Variants in HNF4G observed in about 807,000 individuals in gnomAD.
HNF4G encodes the protein hepatocyte nuclear factor 4-gamma.
HNF4G carries 21 observed loss-of-function variants against 50.9 expected under a neutral mutation model. The ratio of observed to expected loss-of-function variants is 0.41; its 90% CI spans 0.29 to 0.59. The LOEUF is 0.59. Among genes scored for constraint, HNF4G ranks in the 20% least tolerant of loss-of-function variants. HNF4G has a pLI of 0.26. For missense variants in HNF4G, 527 were observed against 559.4 expected (o/e 0.94, Z 0.58); for synonymous variants, 198 against 185.6 (o/e 1.07, Z -0.54).
intron 2 of HNF4G, among the ~76,000 whole-genome samples, chr8:75,510,773 C>T (rs1178693340): frequency 2.0e-5 from 3 of 152,052 alleles, no homozygotes; most frequent in Non-Finnish European, 2.9e-5. Flanking sequence ...CAATGCATTT[C>T]TCAGAATATA....
At chr8:75,560,008 G>T (rs1807260403) in intron 8 of HNF4G, among the ~76,000 whole-genome samples, 1 of 152,080 alleles carries the variant, frequency 6.6e-6, no homozygotes, top group Non-Finnish European at 1.5e-5. Context: ...AGTTGTTCAT[G>T]CTATTACAGT....
chr8:75,558,448 A>G lies in HNF4G; in HGVS notation c.734-70A>G, dbSNP rs908231233. The G allele has an allele frequency of 1.2e-5, 17 of 1,427,450 alleles. No individual in the cohort carries two copies. In the East Asian group the frequency reaches 3.9e-4, roughly 33 times the overall value. The allele number at this position is 1,427,450 out of a possible 1,614,324, so 88.4% of individuals were successfully genotyped here. A position where few individuals can be genotyped will look rare whatever the true frequency, so the allele number is the denominator to read the frequency against. On this transcript the variant is annotated intron_variant, in intron 6 of 9. Coordinates refer to ENST00000396423, the MANE Select transcript of HNF4G (RefSeq NM_004133.5). Reference sequence around the variant, plus strand: ...TTTAAACACCGGTTTGTTAAATTTTAAACAGTGCTGACAATTTGGGGAGAC... The same window carrying G: ...TTTAAACACCGGTTTGTTAAATTTTGAACAGTGCTGACAATTTGGGGAGAC...
chr8:75,541,377 T>A (rs1806616823), intron 1 of HNF4G, among the ~76,000 whole-genome samples: 1 of 152,172 alleles, frequency 6.6e-6, no homozygotes, highest in South Asian at 2.1e-4. Flanking sequence ...TTCTATATAG[T>A]CTCTCAGAAT....
intron 1 of HNF4G, among the ~76,000 whole-genome samples, chr8:75,415,028 A>G (rs887830773): frequency 6.6e-6 from 1 of 152,218 alleles, no homozygotes; most frequent in African/African-American, 2.4e-5. Context: ...AGCCTAACCA[A>G]CACTTGGTAT....
intron 2 of HNF4G, among the ~76,000 whole-genome samples, chr8:75,530,430 T>TAAA (rs5892497): frequency 0.094 from 13,745 of 146,450 alleles, 886 homozygotes; most frequent in African/African-American, 0.18. Context: ...CCACCAGTAA[T>TAAA]AAAAAAAAAA....
At chr8:75,413,755 G>T (rs994474035) in intron 1 of HNF4G, among the ~76,000 whole-genome samples, 2 of 152,044 alleles carry the variant, frequency 1.3e-5, no homozygotes, top group African/African-American at 4.8e-5. Flanking sequence ...TACTTGGGAG[G>T]CTGAGGCAGG....
At chr8:75,498,260 A>C (rs954381099) in intron 2 of HNF4G, among the ~76,000 whole-genome samples, 4 of 152,196 alleles carry the variant, frequency 2.6e-5, no homozygotes, top group African/African-American at 9.6e-5. Flanking sequence ...AAAAGCAATG[A>C]AAGTCCACTA....
At chr8:75,451,345 A>T (rs1249067116) in intron 1 of HNF4G, among the ~76,000 whole-genome samples, 2 of 151,852 alleles carry the variant, frequency 1.3e-5, no homozygotes, top group African/African-American at 4.8e-5. Flanking sequence ...GTCTGATATA[A>T]TTCCATTTGT....
chr8:75,546,016 T>C (rs1049734910), intron 2 of HNF4G, among the ~76,000 whole-genome samples: 5 of 152,156 alleles, frequency 3.3e-5, no homozygotes, highest in Non-Finnish European at 5.9e-5. Flanking sequence ...TTGTTGATGA[T>C]AGGCTTTGCT....
rs139374836 is a variant in HNF4G at position 75,540,729 on chromosome 8, T to C, written c.118+649T>C. 4.2e-4 allele frequency among the ~76,000 whole-genome samples: 64 copies of C among 152,242 alleles called. No homozygotes were observed. The East Asian group carries it at 6.2e-3, about 15-fold the overall frequency. ...TTTTAGGGGTAGTGTCTTTATGTAA[T>C]ACAGCTTACTATTGACTTTGAATTT... On this transcript the variant is annotated intron_variant, in intron 1 of 9. Coordinates refer to ENST00000396423, the MANE Select transcript of HNF4G (RefSeq NM_004133.5).
intron 9 of HNF4G, among the ~76,000 whole-genome samples, chr8:75,562,962 G>A (rs1807355786): frequency 6.6e-6 from 1 of 152,060 alleles, no homozygotes; most frequent in African/African-American, 2.4e-5. Flanking sequence ...CATTTAAACT[G>A]CACTTAAAAA....
At chr8:75,480,011 G>C (rs1450518996) in intron 1 of HNF4G, among the ~76,000 whole-genome samples, 1 of 151,632 alleles carries the variant, frequency 6.6e-6, no homozygotes, top group Non-Finnish European at 1.5e-5. Flanking sequence ...ATAGAAAAAA[G>C]TGTTATTTTT....
intron 2 of HNF4G, among the ~76,000 whole-genome samples, chr8:75,495,087 G>C (rs534077816): frequency 2.1e-4 from 32 of 152,256 alleles, no homozygotes; most frequent in Non-Finnish European, 4.1e-4. Flanking sequence ...AAATGGCAGA[G>C]ATTTTGGAAC....
chr8:75,434,380 C>T (rs1164976396), intron 1 of HNF4G, among the ~76,000 whole-genome samples: 3 of 151,922 alleles, frequency 2.0e-5, no homozygotes, highest in African/African-American at 7.3e-5. Flanking sequence ...GAAAATGCCA[C>T]ATATCAAACC....
At chr8:75,464,760 T>C (rs1585866733) in intron 1 of HNF4G, among the ~76,000 whole-genome samples, 1 of 152,318 alleles carries the variant, frequency 6.6e-6, no homozygotes, top group East Asian at 1.9e-4. Flanking sequence ...CTCATTTAGA[T>C]CATGGGACAT....
chr8:75,410,049 T>C (rs900330010), intron 1 of HNF4G, among the ~76,000 whole-genome samples: 4 of 152,198 alleles, frequency 2.6e-5, no homozygotes, highest in Non-Finnish European at 5.9e-5. Flanking sequence ...ATTTTTCAAA[T>C]ACTTATCTGT....
chr8:75,560,201 T>C, intron 8 of HNF4G, 143 bp from the exon 9 acceptor site: 1 of 696,730 alleles, frequency 1.4e-6, no homozygotes, highest in East Asian at 2.8e-5. Context: ...ATGCCAGTGG[T>C]TCTGTCAATT....
chr8:75,545,973 C>T (rs1806767426), intron 2 of HNF4G, among the ~76,000 whole-genome samples: 1 of 152,124 alleles, frequency 6.6e-6, no homozygotes, highest in Admixed American at 6.6e-5. Flanking sequence ...GCCTTGTTCT[C>T]ACTCTGAAAG....
intron 2 of HNF4G, among the ~76,000 whole-genome samples, chr8:75,515,042 T>C (rs1007930054): frequency 1.3e-5 from 2 of 152,178 alleles, no homozygotes; most frequent in Non-Finnish European, 2.9e-5. Context: ...TTAAATATTA[T>C]ATTTGTCAAC....
Sources: gnomAD v4.1 joint callset for allele counts (sites outside exome capture counted in the v4.1 genomes callset) on GRCh38, gnomAD v4.1.1 for gene constraint, MANE v1.5 for transcripts, NCBI Gene and HGNC (gene_info 2026-07-23, HGNC 2026-07-21) for gene names.